EYS: variants seen among roughly 807,000 people sequenced by gnomAD.
The protein encoded by EYS is protein eyes shut homolog.
Under a neutral mutation model 282.1 loss-of-function variants are expected in EYS, and 250 were observed. The ratio of observed to expected loss-of-function variants is 0.89; its 90% confidence interval spans 0.80 to 0.98. EYS has a LOEUF of 0.98. Among genes scored for constraint, EYS ranks in the 50% least tolerant of loss-of-function variants. EYS has a pLI of 0.00. For synonymous variants in EYS, 1,355 were observed against 1,282.9 expected (o/e 1.06, Z -1.20); for missense variants, 4,016 against 3,709.0 (o/e 1.08, Z -2.15).
At chr6:65,309,151 G>C (rs1302434755) in intron 11 of EYS, among the ~76,000 whole-genome samples, 1 of 152,200 alleles carries the variant, frequency 6.6e-6, no homozygotes, top group African/African-American at 2.4e-5. Context: ...TAGCTGATGA[G>C]ATATTCTTTC....
chr6:64,952,163 G>T (rs908697156), intron 14 of EYS, among the ~76,000 whole-genome samples: 7 of 151,870 alleles, frequency 4.6e-5, no homozygotes, highest in Non-Finnish European at 1.0e-4. Flanking sequence ...TCATAATGGA[G>T]TGAAAGAAAA....
At chr6:65,241,970 T>A (rs1767068327) in intron 12 of EYS, among the ~76,000 whole-genome samples, 1 of 152,022 alleles carries the variant, frequency 6.6e-6, no homozygotes, top group African/African-American at 2.4e-5. Context: ...AAAATGAGAA[T>A]ATTAAAAATA....
At chr6:64,765,890 A>T (rs1247020947) in intron 22 of EYS, among the ~76,000 whole-genome samples, 1 of 151,908 alleles carries the variant, frequency 6.6e-6, no homozygotes, top group South Asian at 2.1e-4. Flanking sequence ...GAGCCAAAAA[A>T]CCATATCAAT....
intron 19 of EYS, among the ~76,000 whole-genome samples, chr6:64,836,905 T>C (rs1380248311): frequency 5.9e-5 from 9 of 151,692 alleles, no homozygotes; most frequent in African/African-American, 1.9e-4. Flanking sequence ...TTGGAAAATA[T>C]ATAAATGTAT....
At chr6:65,387,594 C>T (rs943947542) in intron 7 of EYS, among the ~76,000 whole-genome samples, 7 of 151,860 alleles carry the variant, frequency 4.6e-5, no homozygotes, top group East Asian at 3.9e-4. Context: ...AAAGAGTTAA[C>T]TTCAAATTGG....
At chr6:64,603,958 A>G (rs200045235) in intron 24 of EYS, among the ~76,000 whole-genome samples, 2 of 151,760 alleles carry the variant, frequency 1.3e-5, no homozygotes, top group East Asian at 3.9e-4. Flanking sequence ...GAATATATAT[A>G]ATGCTGGTAT....
chr6:64,123,298 T>C (rs1396942739), intron 31 of EYS, among the ~76,000 whole-genome samples: 5 of 152,228 alleles, frequency 3.3e-5, no homozygotes, highest in Non-Finnish European at 7.3e-5. Context: ...ACTAATATTA[T>C]ATTAAAAATA....
chr6:63,972,292 G>T (rs1766613443), intron 35 of EYS, among the ~76,000 whole-genome samples: 1 of 152,074 alleles, frequency 6.6e-6, no homozygotes, highest in African/African-American at 2.4e-5. Context: ...CCCAAGGAAT[G>T]CTTATTACTA....
At chr6:64,972,830 T>G (rs1770342311) in intron 14 of EYS, among the ~76,000 whole-genome samples, 1 of 152,072 alleles carries the variant, frequency 6.6e-6, no homozygotes, top group Admixed American at 6.6e-5. Flanking sequence ...CAATTTAACA[T>G]GTTACCTACC....
chr6:64,167,001 G>A (rs372370017), intron 31 of EYS, among the ~76,000 whole-genome samples: 44 of 152,238 alleles, frequency 2.9e-4, no homozygotes, highest in Non-Finnish European at 4.3e-4. Flanking sequence ...TTTCCACCAC[G>A]TGCACACAAA....
intron 27 of EYS, among the ~76,000 whole-genome samples, chr6:64,438,299 A>G (rs1218122123): frequency 6.6e-6 from 1 of 151,772 alleles, no homozygotes. Context: ...GTCTATCAAT[A>G]TTTACATTGC....
Position 65,494,674 on chromosome 6 carries a change from G to A in EYS, c.737C>T (p.Pro246Leu). 1 of 1,565,890 alleles carries A rather than the reference G, an allele frequency of 6.4e-7. No homozygotes were observed. Among genetic ancestry groups the A allele is most frequent in the South Asian group, 1.2e-5 (1 of 86,246 alleles). Reference protein sequence around the residue: ...DEQAYECVCHPPFTGKNCSEI... With the variant: ...DEQAYECVCHLPFTGKNCSEI... ...TTAAACAATCTTACCTGTAAATGGT[G>A]GGTGACAGACACATTCATATGCTTG... The change falls in exon 4 of 43, where the codon CCA becomes CTA. Residue 246 changes from proline (P) to leucine (L), a missense_variant. By Grantham distance (98) the Pro-to-Leu change is moderately conservative (BLOSUM62 -3). Coordinates refer to ENST00000503581, the MANE Select transcript of EYS (RefSeq NM_001142800.2).
At chr6:64,798,511 C>A (rs976459293) in intron 22 of EYS, among the ~76,000 whole-genome samples, 2 of 151,374 alleles carry the variant, frequency 1.3e-5, no homozygotes, top group Non-Finnish European at 3.0e-5. Context: ...GCCATGTTAT[C>A]CATGTAGTTC....
intron 35 of EYS, among the ~76,000 whole-genome samples, chr6:63,878,305 G>A (rs533617118): frequency 6.6e-5 from 10 of 152,262 alleles, no homozygotes; most frequent in South Asian, 2.1e-4. Flanking sequence ...ATTGTAGAAC[G>A]GCAGATGTTG....
intron 31 of EYS, among the ~76,000 whole-genome samples, chr6:64,195,810 C>A (rs978898356): frequency 6.6e-6 from 1 of 152,116 alleles, no homozygotes; most frequent in African/African-American, 2.4e-5. Context: ...TAATAAGGCA[C>A]ACCTACTTTA....
intron 12 of EYS, among the ~76,000 whole-genome samples, chr6:65,200,610 C>G (rs993647564): frequency 2.0e-5 from 3 of 151,566 alleles, no homozygotes; most frequent in Admixed American, 6.6e-5. Context: ...AGAATTGACA[C>G]GAAGTACAGT....
chr6:65,509,757 C>T (rs1766793288), intron 2 of EYS, among the ~76,000 whole-genome samples: 1 of 152,038 alleles, frequency 6.6e-6, no homozygotes, highest in African/African-American at 2.4e-5. Context: ...AAATGTAAAC[C>T]TCCTGTCAAT....
At chr6:65,457,730 T>A (rs1282632022) in intron 5 of EYS, among the ~76,000 whole-genome samples, 6 of 152,194 alleles carry the variant, frequency 3.9e-5, no homozygotes. Flanking sequence ...AGCTGAAAGT[T>A]ACCAAGCTAA....
chr6:65,586,070 T>C (rs1049056130), intron 2 of EYS, among the ~76,000 whole-genome samples: 1 of 151,962 alleles, frequency 6.6e-6, no homozygotes, highest in Admixed American at 6.6e-5. Flanking sequence ...TCAGGCTCCA[T>C]TTTGGGGAAT....
Sources: allele counts gnomAD v4.1 joint callset (sites outside exome capture counted in the v4.1 genomes callset), GRCh38; gene constraint gnomAD v4.1.1; transcripts MANE v1.5; gene names NCBI Gene and HGNC (gene_info 2026-07-23, HGNC 2026-07-21).